Variants in GLRA2 observed in about 807,000 individuals in gnomAD.
The protein encoded by GLRA2 is glycine receptor alpha 2.
GLRA2 carries 11 observed loss-of-function variants against 31.6 expected under a neutral mutation model. The ratio of observed to expected loss-of-function variants is 0.35; its 90% CI spans 0.22 to 0.58. GLRA2 has a LOEUF of 0.58. Among genes scored for constraint, GLRA2 ranks in the 20% least tolerant of loss-of-function variants. GLRA2 has a pLI of 0.84. For synonymous variants in GLRA2, 132 were observed against 134.0 expected (o/e 0.99, Z 0.10); for missense variants, 212 against 351.8 (o/e 0.60, Z 3.18).
At chrX:14,654,229 C>T (rs762734798) in intron 7 of GLRA2, among the ~76,000 whole-genome samples, 1 of 111,866 alleles carries the variant, frequency 8.9e-6, no homozygotes, top group Non-Finnish European at 1.9e-5. Flanking sequence ...CAAGACAAGA[C>T]CACATCACAC....
the GLRA2 span, among the ~76,000 whole-genome samples, chrX:14,488,447 G>T: frequency 9.0e-6 from 1 of 111,664 alleles, no homozygotes; most frequent in African/African-American, 3.3e-5. Context: ...CCTCTTTAAA[G>T]AGGTGTTTCC....
intron 3 of GLRA2, among the ~76,000 whole-genome samples, chrX:14,574,763 G>A (rs1173161541): frequency 2.7e-5 from 3 of 111,609 alleles, no homozygotes; most frequent in African/African-American, 9.8e-5. Flanking sequence ...TATATCTATC[G>A]TGCCAGAGAA....
At chrX:14,546,522 T>C (rs1008479633) in intron 2 of GLRA2, among the ~76,000 whole-genome samples, 16 of 111,089 alleles carry the variant, frequency 1.4e-4, no homozygotes, top group African/African-American at 5.2e-4. Context: ...GGCAAAAGAA[T>C]ACACTTATCT....
At chrX:14,448,892 G>A in the GLRA2 span, among the ~76,000 whole-genome samples, 2,291 of 111,094 alleles carry the variant, frequency 0.021, 77 homozygotes, top group African/African-American at 0.071. Context: ...CCATGCAGCT[G>A]TGTGTGGAAG....
chrX:14,622,137 C>T (rs1388694676), intron 7 of GLRA2, among the ~76,000 whole-genome samples: 8 of 112,069 alleles, frequency 7.1e-5, no homozygotes, highest in Non-Finnish European at 1.5e-4. Flanking sequence ...TTTCATGTGT[C>T]TTTTGGCTGC....
the GLRA2 span, among the ~76,000 whole-genome samples, chrX:14,459,529 T>C: frequency 9.0e-6 from 1 of 111,048 alleles, no homozygotes; most frequent in Admixed American, 9.6e-5. Flanking sequence ...TCCATTTGTT[T>C]GTATCCTCTT....
At chrX:14,460,642 G>T in the GLRA2 span, among the ~76,000 whole-genome samples, 1 of 112,026 alleles carries the variant, frequency 8.9e-6, no homozygotes, top group Admixed American at 9.4e-5. Context: ...TAGTTTATTT[G>T]CGTAGAGATG....
At chrX:14,680,575 C>T (rs1346162344) in intron 7 of GLRA2, among the ~76,000 whole-genome samples, 1 of 111,927 alleles carries the variant, frequency 8.9e-6, no homozygotes. Context: ...GAGAATCTGA[C>T]ATCAGAGCTG....
chrX:14,688,078 T>A (rs1214602117), intron 7 of GLRA2, among the ~76,000 whole-genome samples: 3 of 112,132 alleles, frequency 2.7e-5, no homozygotes, highest in Non-Finnish European at 3.8e-5. Flanking sequence ...CCAGATCCTG[T>A]TTGCCTGGGT....
intron 8 of GLRA2, among the ~76,000 whole-genome samples, chrX:14,706,679 T>A (rs2091627802): frequency 9.0e-6 from 1 of 111,636 alleles, no homozygotes; most frequent in Non-Finnish European, 1.9e-5. Context: ...CTGAGAAGGT[T>A]CCTTCTCAGC....
At chrX:14,642,093 T>C (rs2147129398) in intron 7 of GLRA2, among the ~76,000 whole-genome samples, 1 of 111,837 alleles carries the variant, frequency 8.9e-6, no homozygotes, top group Non-Finnish European at 1.9e-5. Flanking sequence ...TTGTAAAATC[T>C]GCAGTAACAC....
At chrX:14,612,149 C>T (rs2090405358) in intron 7 of GLRA2, among the ~76,000 whole-genome samples, 1 of 111,563 alleles carries the variant, frequency 9.0e-6, no homozygotes, top group Admixed American at 9.5e-5. Flanking sequence ...ACAACCCCAT[C>T]AAAAAATGGG....
rs760416175 is a variant in GLRA2, at chrX:14,578,509, T to C, written c.271-2674T>C. Among the ~76,000 whole-genome samples the C allele has an allele frequency of 2.7e-5, 3 of 112,681 alleles. No individual in the cohort carries two copies. In the South Asian group the frequency reaches 1.1e-3, roughly 42 times the overall value. Reference sequence around the variant, plus strand: ...ACAGAAATCTGTTAGTGTTCATTGCTAGTTGCCCCAGCATTAAGAGTATTC... The same window carrying C: ...ACAGAAATCTGTTAGTGTTCATTGCCAGTTGCCCCAGCATTAAGAGTATTC... On this transcript the variant is annotated intron_variant, in intron 3 of 8. Transcript: ENST00000218075.
the GLRA2 span, among the ~76,000 whole-genome samples, chrX:14,516,295 CA>C: frequency 8.9e-6 from 1 of 111,914 alleles, no homozygotes. Flanking sequence ...CTGTCTTTAG[CA>C]TTTAAATTTT....
chrX:14,693,935 T>C (rs1226948697), intron 8 of GLRA2, among the ~76,000 whole-genome samples: 1 of 111,866 alleles, frequency 8.9e-6, no homozygotes, highest in African/African-American at 3.2e-5. Flanking sequence ...CCATGCTTAG[T>C]GAAAAATGTA....
At chrX:14,550,113 G>T (rs1405847021) in intron 2 of GLRA2, among the ~76,000 whole-genome samples, 1 of 110,585 alleles carries the variant, frequency 9.0e-6, no homozygotes, top group African/African-American at 3.3e-5. Context: ...CTAGAGTGGT[G>T]ATACAAAAGC....
chrX:14,574,411 C>A lies in GLRA2; in HGVS notation c.270+11C>A. 1 of 1,166,414 alleles carries A rather than the reference C, an allele frequency of 8.6e-7. No individual in the cohort carries two copies. The highest frequency in any genetic ancestry group is 1.2e-6 in the Non-Finnish European group (1 of 853,682). On this transcript the variant is annotated intron_variant, in intron 3 of 8. Transcript: ENST00000218075. ...ACAGAAACGACCATGGTAAGTGCTG[C>A]AATGCCACTGGCAAGAGAAAGACAC...
the GLRA2 span, among the ~76,000 whole-genome samples, chrX:14,468,821 C>T: frequency 6.4e-5 from 7 of 110,215 alleles, no homozygotes; most frequent in African/African-American, 9.9e-5. Context: ...TCCTCTCCAG[C>T]ACCTGTTGTT....
At chrX:14,534,246 A>G (rs1273501121) in intron 2 of GLRA2, among the ~76,000 whole-genome samples, 1 of 107,320 alleles carries the variant, frequency 9.3e-6, no homozygotes, top group Non-Finnish European at 1.9e-5. Context: ...CTACTACTTT[A>G]AAGTCTAAGT....
Sources: allele counts gnomAD v4.1 joint callset (sites outside exome capture counted in the v4.1 genomes callset), GRCh38; gene constraint gnomAD v4.1.1; transcripts MANE v1.5; gene names NCBI Gene and HGNC (gene_info 2026-07-23, HGNC 2026-07-21).